Variants in NIN observed in about 807,000 individuals in gnomAD.
The protein encoded by NIN is ninein.
A neutral mutation model predicts 257.6 loss-of-function variants in NIN; 137 were observed. The ratio of observed to expected loss-of-function variants is 0.53; its 90% confidence interval spans 0.46 to 0.61. The LOEUF is 0.61. NIN is among the 20% of genes least tolerant of loss of function. The pLI is 0.00. For synonymous variants in NIN, 918 were observed against 919.8 expected (o/e 1.00, Z 0.04); for missense variants, 2,439 against 2,501.2 (o/e 0.98, Z 0.53).
chr14:50,801,073 G>A (rs2044079827), intron 4 of NIN, among the ~76,000 whole-genome samples: 1 of 142,696 alleles, frequency 7.0e-6, no homozygotes, highest in African/African-American at 2.6e-5. Flanking sequence ...ACAGGCATGA[G>A]CCACTGCGCC....
At chr14:50,811,544 C>CTTTTTTTTTT (rs55734117) in intron 3 of NIN, among the ~76,000 whole-genome samples, 1 of 75,270 alleles carries the variant, frequency 1.3e-5, no homozygotes, top group Non-Finnish European at 2.4e-5. Flanking sequence ...AATGGTCAAG[C>CTTTTTTTTTT]TTTTTTTTTT....
intron 2 of NIN, among the ~76,000 whole-genome samples, chr14:50,823,901 T>G (rs754069493): frequency 6.6e-6 from 1 of 152,256 alleles, no homozygotes; most frequent in Non-Finnish European, 1.5e-5. Flanking sequence ...CAAGTTGTTA[T>G]GCAAAGCCAC....
At chr14:50,772,548 TGGGTAGAAGG>T in intron 8 of NIN, 80 bp from the exon 9 acceptor site, 1 of 1,257,332 alleles carries the variant, frequency 8.0e-7, no homozygotes, top group Non-Finnish European at 1.1e-6. Context: ...CTGACCACGA[TGGGTAGAAGG>T]CATGTTTCTC....
At position 50,719,815 on chromosome 14, in the gene NIN, G is replaced by A. The variant is rs1238687130; in HGVS notation, c.*3648C>T. ...AGGTCAGGGTATATAGAAAACAAAAGGCATGTTTGCAAAATTATTTATTTA... is the reference window on the plus strand; with the variant it reads ...AGGTCAGGGTATATAGAAAACAAAAAGCATGTTTGCAAAATTATTTATTTA... On this transcript the variant is annotated 3_prime_UTR_variant, in exon 31 of 31. Transcript: ENST00000530997. 1.0e-5 allele frequency: 2 copies of A among 192,904 alleles called. No individual in the cohort carries two copies. The highest frequency in any genetic ancestry group is 2.3e-5 in the African/African-American group (1 of 43,016). The allele number at this position is 192,904 out of a possible 1,614,324, so 11.9% of individuals were successfully genotyped here.
At chr14:50,812,106 C>A (rs1025715839) in intron 3 of NIN, among the ~76,000 whole-genome samples, 3 of 152,036 alleles carry the variant, frequency 2.0e-5, no homozygotes, top group African/African-American at 7.3e-5. Flanking sequence ...GGTGACAGAG[C>A]GAGACTCTGT....
Position 50,729,615 on chromosome 14 carries a change from G to A in NIN, c.5986C>T (p.Gln1996Ter). Reference sequence around the variant, plus strand: ...GCCTGCAGCAGCTGGCGTTGAAGCTGCAGAAACTGCTCCCTGGGCACCATC... The same window carrying A: ...GCCTGCAGCAGCTGGCGTTGAAGCTACAGAAACTGCTCCCTGGGCACCATC... Reference protein sequence around the residue: ...CPMVPREQFLQLQRQLLQAER... With the variant: ...CPMVPREQFL The change falls in exon 29 of 31, where the codon CAG (glutamine) becomes TAG (stop). Residue 1996 changes from glutamine to a stop codon, truncating the protein, a stop_gained. Coordinates refer to ENST00000530997, the MANE Select transcript of NIN (RefSeq NM_020921.4). LOFTEE classifies it high-confidence loss of function. 6.2e-7 allele frequency: 1 copy of A among 1,614,068 alleles called. No homozygotes were observed.
chr14:50,794,186 C>T (rs1201688347), intron 4 of NIN, among the ~76,000 whole-genome samples: 3 of 152,204 alleles, frequency 2.0e-5, no homozygotes, highest in Non-Finnish European at 2.9e-5. Flanking sequence ...AACACCTCCC[C>T]GCCATGTCCT....
chr14:50,736,132 G>T (rs746371386), intron 27 of NIN, among the ~76,000 whole-genome samples: 1 of 151,758 alleles, frequency 6.6e-6, no homozygotes, highest in Non-Finnish European at 1.5e-5. Flanking sequence ...TAAAGATTTC[G>T]TGAGTACCTT....
intron 3 of NIN, among the ~76,000 whole-genome samples, chr14:50,812,673 A>T (rs888470766): frequency 5.3e-5 from 8 of 152,218 alleles, no homozygotes; most frequent in Non-Finnish European, 1.0e-4. Context: ...CTTGGCCAAT[A>T]GGGAGGAAAA....
Position 50,723,465 on chromosome 14 carries a change from A to G in NIN, c.6400T>C (p.Ter2134GlnextTer15), listed in dbSNP as rs555675509. 10 of 1,611,178 alleles carry G rather than the reference A, an allele frequency of 6.2e-6. No individual in the cohort carries two copies. Among genetic ancestry groups the G allele is most frequent in the South Asian group, 1.1e-5 (1 of 90,972 alleles). ...TATGAGTGTACCCTTTGGTTTGGCT[A>G]TGACCTCAAAGGAGGTGTAGAAGTC... ...PLTSTPPLRS[*>Q] The change falls in exon 31 of 31, where the codon TAG (stop) becomes CAG (glutamine). Residue 2134 changes from the stop codon to glutamine (Q), a stop_lost. Transcript: ENST00000530997.
intron 3 of NIN, among the ~76,000 whole-genome samples, chr14:50,815,044 A>G (rs533078351): frequency 6.6e-6 from 1 of 152,376 alleles, no homozygotes; most frequent in Admixed American, 6.5e-5. Flanking sequence ...GACAAATGAG[A>G]TCTAATTAAA....
In NIN at chr14:50,778,748, AC is replaced by A; in HGVS notation, c.475+16del. On this transcript the variant is annotated intron_variant, in intron 6 of 30. Transcript: ENST00000530997. Reference sequence around the variant, plus strand: ...GCCCTTCCCTTCCAGGCACGTCCTGACACACTCGGCTCTTACCTTCCGCTTC... The same window carrying A: ...GCCCTTCCCTTCCAGGCACGTCCTGAACACTCGGCTCTTACCTTCCGCTTC... 6.2e-7 allele frequency: 1 copy of A among 1,613,468 alleles called. No individual in the cohort carries two copies. Among genetic ancestry groups the A allele is most frequent in the Non-Finnish European group, 8.5e-7 (1 of 1,179,762 alleles).
rs2043119442 is a variant in NIN, at chr14:50,781,147, A to G, written c.436-2343T>C. On this transcript the variant is annotated intron_variant, in intron 5 of 30. Coordinates refer to ENST00000530997, the MANE Select transcript of NIN (RefSeq NM_020921.4). ...CCAAAATTATGAAAATTCATTATTTAGCATACCAGTTGGAAACACCCCAGA... is the reference window on the plus strand; with the variant it reads ...CCAAAATTATGAAAATTCATTATTTGGCATACCAGTTGGAAACACCCCAGA... 1.3e-5 allele frequency among the ~76,000 whole-genome samples: 2 copies of G among 152,200 alleles called. 1 individual carries two copies. The highest frequency in any genetic ancestry group is 4.1e-4 in the South Asian group (2 of 4,832).
rs144622574 is a variant in NIN, at chr14:50,760,261, T to C, written c.1995A>G (p.Leu665=). ...TTTTAAGGTCACTTATTTGTTTTTC[T>C]AAGGTGTGCGTTTCGTTCTCATGCC... ...KQRHENETHT[L]EKQISDLKNE... is the part of the protein sequence containing the mutation. The change falls in exon 17 of 31, where the codon TTA becomes TTG. Residue 665 remains leucine (L), a synonymous_variant. Coordinates refer to ENST00000530997, the MANE Select transcript of NIN (RefSeq NM_020921.4). The C allele has an allele frequency of 2.1e-4, 339 of 1,611,678 alleles. No individual in the cohort carries two copies. The highest frequency in any genetic ancestry group is 4.3e-4 in the African/African-American group (32 of 75,030).
At chr14:50,817,652 A>G (rs975550435) in intron 3 of NIN, among the ~76,000 whole-genome samples, 8 of 152,146 alleles carry the variant, frequency 5.3e-5, no homozygotes, top group African/African-American at 1.9e-4. Flanking sequence ...ATCCAAATTC[A>G]TATTAAGAAT....
chr14:50,787,673 C>A (rs1184171279), intron 5 of NIN, among the ~76,000 whole-genome samples: 1 of 152,190 alleles, frequency 6.6e-6, no homozygotes, highest in Non-Finnish European at 1.5e-5. Context: ...AGGTCAGACT[C>A]CCAAGGGATC....
chr14:50,745,415 A>G (rs542081219), intron 22 of NIN, among the ~76,000 whole-genome samples: 1 of 152,136 alleles, frequency 6.6e-6, no homozygotes, highest in Admixed American at 6.5e-5. Context: ...ACACTTCTTA[A>G]CCCTTTTCCA....
chr14:50,786,438 G>C (rs2043352672), intron 5 of NIN, among the ~76,000 whole-genome samples: 1 of 152,198 alleles, frequency 6.6e-6, no homozygotes, highest in Non-Finnish European at 1.5e-5. Context: ...CTGGGATCAA[G>C]TCAGGAAGGC....
At chr14:50,777,431 A>C (rs1202410669) in intron 6 of NIN, among the ~76,000 whole-genome samples, 4 of 152,228 alleles carry the variant, frequency 2.6e-5, no homozygotes, top group Non-Finnish European at 5.9e-5. Context: ...AGCTGAGCAC[A>C]TCACAAGCTT....
Sources: gnomAD v4.1 joint callset for allele counts (sites outside exome capture counted in the v4.1 genomes callset) on GRCh38, gnomAD v4.1.1 for gene constraint, MANE v1.5 for transcripts, NCBI Gene and HGNC (gene_info 2026-07-23, HGNC 2026-07-21) for gene names.